Variants in FBN1 observed in about 807,000 individuals in gnomAD.
The protein encoded by FBN1 is fibrillin-1.
FBN1 carries 29 observed loss-of-function variants against 365.1 expected under a neutral mutation model. The ratio of observed to expected loss-of-function variants is 0.08; its 90% confidence interval spans 0.06 to 0.11. The LOEUF is 0.11. Ranked by LOEUF, FBN1 falls within the 10% of genes least tolerant of loss-of-function variation. The pLI, the probability that FBN1 is intolerant of heterozygous loss-of-function variation, is 1.00. For synonymous variants in FBN1, 1,210 were observed against 1,270.5 expected (o/e 0.95, Z 1.01); for missense variants, 2,476 against 3,703.2 (o/e 0.67, Z 8.60).
In FBN1 at chr15:48,412,098, A is replaced by T. The variant is rs1386204679; in HGVS notation, c.8226+471T>A. On this transcript the variant is annotated intron_variant, in intron 65 of 65. Coordinates refer to ENST00000316623, the MANE Select transcript of FBN1 (RefSeq NM_000138.5). ...TCTGAGTTGACTGAAAGGCTGCAGC[A>T]GCCGTAGGCAAAGGAAACCAGGCTG... Among the ~76,000 whole-genome samples, 3 of 152,242 alleles carry T rather than the reference A, an allele frequency of 2.0e-5. No homozygotes were observed. In the East Asian group the frequency reaches 5.8e-4, roughly 29 times the overall value.
chr15:48,582,130 A>G (rs2044398301), intron 6 of FBN1, among the ~76,000 whole-genome samples: 2 of 152,218 alleles, frequency 1.3e-5, no homozygotes, highest in Non-Finnish European at 2.9e-5. Context: ...CTATCGGCTA[A>G]AAAGTACAGA....
intron 6 of FBN1, among the ~76,000 whole-genome samples, chr15:48,562,578 C>T (rs889290882): frequency 2.0e-5 from 3 of 152,128 alleles, no homozygotes; most frequent in African/African-American, 7.2e-5. Context: ...AAAACAGAAA[C>T]ATATTTTTAA....
At chr15:48,474,053 G>A (rs56686382) in intron 34 of FBN1, among the ~76,000 whole-genome samples, 5 of 151,830 alleles carry the variant, frequency 3.3e-5, no homozygotes, top group Admixed American at 6.6e-5. Flanking sequence ...ATCTACCTAC[G>A]TATCTACCTA....
intron 36 of FBN1, among the ~76,000 whole-genome samples, chr15:48,469,078 AAATATATATATATAT>A (rs1566904883): frequency 2.3e-4 from 22 of 94,968 alleles, no homozygotes; most frequent in African/African-American, 8.4e-4. Context: ...AAAAAAAAAA[AAATATATATATATAT>A]AAAATATAAT....
At chr15:48,423,995 C>T (rs377558774) in intron 60 of FBN1, among the ~76,000 whole-genome samples, 25 of 152,264 alleles carry the variant, frequency 1.6e-4, no homozygotes, top group East Asian at 1.2e-3. Flanking sequence ...AGAAAAAATG[C>T]TATAAATTTG....
chr15:48,624,070 T>A (rs1386424288), intron 2 of FBN1, among the ~76,000 whole-genome samples: 1 of 151,930 alleles, frequency 6.6e-6, no homozygotes, highest in African/African-American at 2.4e-5. Flanking sequence ...ATTTTTAGAC[T>A]GACAGCCAAT....
At chr15:48,641,331 G>C (rs187195433) in intron 2 of FBN1, 3 of 152,218 alleles carry the variant, frequency 2.0e-5, no homozygotes, top group Non-Finnish European at 2.9e-5. Context: ...TGCAACAGGG[G>C]GGGAGGAGAG....
intron 43 of FBN1, among the ~76,000 whole-genome samples, 171 bp from the exon 44 acceptor site, chr15:48,456,933 TAACTA>T (rs908440731): frequency 6.6e-6 from 1 of 151,620 alleles, no homozygotes; most frequent in Non-Finnish European, 1.5e-5. Flanking sequence ...CAAATTGAGA[TAACTA>T]AACCACTTTC....
intron 6 of FBN1, among the ~76,000 whole-genome samples, chr15:48,547,425 C>G (rs1037800837): frequency 6.6e-6 from 1 of 152,118 alleles, no homozygotes; most frequent in Non-Finnish European, 1.5e-5. Flanking sequence ...AGCTGCCAGC[C>G]CTGAGTTCAT....
chr15:48,578,615 A>G (rs1159097442), intron 6 of FBN1, among the ~76,000 whole-genome samples: 1 of 152,046 alleles, frequency 6.6e-6, no homozygotes, highest in Non-Finnish European at 1.5e-5. Context: ...GCAAATGTCC[A>G]ACAATGATAG....
In FBN1 at chr15:48,622,424, T is replaced by C. The variant is rs1889787068; in HGVS notation, c.165-9332A>G. Among the ~76,000 whole-genome samples, 3 of 152,304 alleles carry C rather than the reference T, an allele frequency of 2.0e-5. No homozygotes were observed. In the South Asian group the frequency reaches 6.2e-4, roughly 32 times the overall value. ...GAGCTATGACTTGATGTTTCCCGGT[T>C]GCTAAGGGGAGTCACTAGTTTTATT... On this transcript the variant is annotated intron_variant, in intron 2 of 65. Transcript: ENST00000316623.
intron 32 of FBN1, among the ~76,000 whole-genome samples, chr15:48,477,010 A>C (rs1337192199): frequency 1.3e-5 from 2 of 151,766 alleles, no homozygotes; most frequent in Non-Finnish European, 2.9e-5. Context: ...ATATTAACTG[A>C]CTTATAGAAA....
chr15:48,501,489 TTTATAAA>T (rs2043657331), intron 17 of FBN1, among the ~76,000 whole-genome samples: 1 of 152,214 alleles, frequency 6.6e-6, no homozygotes, highest in East Asian at 1.9e-4. Context: ...ATGCATTTTC[TTTATAAA>T]TTACTCAATC....
chr15:48,622,545 T>C (rs1378083095), intron 2 of FBN1, among the ~76,000 whole-genome samples: 1 of 152,218 alleles, frequency 6.6e-6, no homozygotes, highest in Admixed American at 6.5e-5. Flanking sequence ...CAATATCATG[T>C]TCTTTTTTCC....
At chr15:48,617,893 A>G (rs1292883567) in intron 2 of FBN1, among the ~76,000 whole-genome samples, 2 of 152,208 alleles carry the variant, frequency 1.3e-5, no homozygotes, top group African/African-American at 2.4e-5. Context: ...TCTGTTTCCT[A>G]TGCAAAGTGC....
intron 2 of FBN1, among the ~76,000 whole-genome samples, chr15:48,614,180 C>T (rs967097670): frequency 6.6e-6 from 1 of 152,172 alleles, no homozygotes; most frequent in Non-Finnish European, 1.5e-5. Flanking sequence ...TTTTACTTTG[C>T]CGTATCCTGA....
chr15:48,509,932 A>G (rs2043744602), intron 14 of FBN1, 112 bp downstream of exon 14: 5 of 1,156,238 alleles, frequency 4.3e-6, no homozygotes, highest in Non-Finnish European at 6.4e-6. Flanking sequence ...GATAAAATAT[A>G]TAAAACATAT....
intron 59 of FBN1, 85 bp from the exon 60 acceptor site, chr15:48,425,576 T>C (rs2042972807): frequency 1.1e-5 from 17 of 1,592,644 alleles, no homozygotes; most frequent in Non-Finnish European, 1.4e-5. Flanking sequence ...CGAAGAATTT[T>C]AGTTTCGGGG....
At chr15:48,498,026 G>A (rs554318342) in intron 18 of FBN1, among the ~76,000 whole-genome samples, 33 of 152,184 alleles carry the variant, frequency 2.2e-4, no homozygotes, top group African/African-American at 6.3e-4. Flanking sequence ...AAAAGCCTCC[G>A]TTGCTCTGCC....
Sources: allele counts gnomAD v4.1 joint callset (sites outside exome capture counted in the v4.1 genomes callset), GRCh38; gene constraint gnomAD v4.1.1; transcripts MANE v1.5; gene names NCBI Gene and HGNC (gene_info 2026-07-23, HGNC 2026-07-21).